Variants in MTRF1 observed in about 807,000 individuals in gnomAD.
MTRF1 encodes peptide chain release factor 1, mitochondrial.
In MTRF1, 51 loss-of-function variants were observed where a neutral mutation model predicts 62.9. That is an observed-to-expected ratio of 0.81 (90% CI 0.65 to 1.02). MTRF1 has a LOEUF of 1.02. Among genes scored for constraint, MTRF1 ranks in the 50% least tolerant of loss-of-function variants. MTRF1 has a pLI of 0.00. For synonymous variants in MTRF1, 158 were observed against 181.9 expected, an observed-to-expected ratio of 0.87 and a Z score of 1.06; for missense variants, 446 against 530.0, an observed-to-expected ratio of 0.84 and a Z score of 1.56.
chr13:41,217,109 T>C lies in MTRF1; in HGVS notation c.*6A>G, dbSNP rs2032031116. 1 of 1,499,836 alleles carries C rather than the reference T, an allele frequency of 6.7e-7. No homozygotes were observed. The highest frequency in any genetic ancestry group is 9.2e-7 in the Non-Finnish European group (1 of 1,085,358). The allele number at this position is 1,499,836 out of a possible 1,614,324, so 92.9% of individuals were successfully genotyped here. A position where few individuals can be genotyped will look rare whatever the true frequency, so the allele number is the denominator to read the frequency against. ...TATATAATCATAAATAATAATAAGT[T>C]AGTATTTATTTTGCTGATTTAAGGT... is the stretch of plus-strand genomic sequence containing the variant. On this transcript the variant is annotated 3_prime_UTR_variant, in exon 10 of 10. Coordinates refer to ENST00000379480, the MANE Select transcript of MTRF1 (RefSeq NM_004294.4).
Position 41,216,455 on chromosome 13 carries a change from T to C in MTRF1, c.*660A>G, listed in dbSNP as rs1020455847. 1 of 152,142 alleles carries C rather than the reference T, an allele frequency of 6.6e-6. No homozygotes were observed. Among genetic ancestry groups the C allele is most frequent in the Non-Finnish European group, 1.5e-5 (1 of 68,026 alleles). 9.4% of individuals were successfully genotyped at this position (152,142 alleles called of 1,614,324 possible). ...TTTACTGTCTGTACCCAGATGCTCATTGTTATTGAATGACTCATATTCTTC... is the reference window on the plus strand; with the variant it reads ...TTTACTGTCTGTACCCAGATGCTCACTGTTATTGAATGACTCATATTCTTC... On this transcript the variant is annotated 3_prime_UTR_variant, in exon 10 of 10. Transcript: ENST00000379480.
In MTRF1 at chr13:41,233,898, A is replaced by G; in HGVS notation, c.980T>C (p.Ile327Thr). Residue 327 changes from isoleucine (I) to threonine (T), a missense_variant, in exon 7 of 10, where the codon ATC (isoleucine) becomes ACC (threonine). By Grantham distance (89) the Ile-to-Thr change is moderately conservative (BLOSUM62 -1). Coordinates refer to ENST00000379480, the MANE Select transcript of MTRF1 (RefSeq NM_004294.4). ...CCAAGGGGCTTGCTTACCTGTGGGGATGTGGACAAGTCTGACGGCACTATC... is the reference window on the plus strand; with the variant it reads ...CCAAGGGGCTTGCTTACCTGTGGGGGTGTGGACAAGTCTGACGGCACTATC... Reference protein sequence around the residue: ...KTDSAVRLVHIPTGLVVECQQ... With the variant: ...KTDSAVRLVHTPTGLVVECQQ... 1 of 1,612,038 alleles carries G rather than the reference A, an allele frequency of 6.2e-7. No homozygotes were observed. Among genetic ancestry groups the G allele is most frequent in the Non-Finnish European group, 8.5e-7 (1 of 1,178,070 alleles).
chr13:41,308,781 T>C, the MTRF1 span, among the ~76,000 whole-genome samples: 1 of 152,198 alleles, frequency 6.6e-6, no homozygotes, highest in African/African-American at 2.4e-5. Flanking sequence ...ACAGGTAAAT[T>C]GCATGTTGTG....
upstream of MTRF1, among the ~76,000 whole-genome samples, chr13:41,264,850 C>G (rs115371223): frequency 6.6e-6 from 1 of 151,990 alleles, no homozygotes; most frequent in South Asian, 2.1e-4. Context: ...ATAGGGCCAC[C>G]CTGCTCCAAA....
chr13:41,275,733 T>A, the MTRF1 span, among the ~76,000 whole-genome samples: 1 of 152,058 alleles, frequency 6.6e-6, no homozygotes, highest in African/African-American at 2.4e-5. Context: ...CCTCAGGTGA[T>A]CTGCTAACCT....
the MTRF1 span, among the ~76,000 whole-genome samples, chr13:41,293,405 A>C: frequency 2.0e-5 from 3 of 152,324 alleles, no homozygotes; most frequent in East Asian, 5.8e-4. Context: ...GTCAGCATAC[A>C]CTTTGCCTGG....
chr13:41,238,499 T>C (rs1314463784), intron 6 of MTRF1, among the ~76,000 whole-genome samples: 3 of 152,040 alleles, frequency 2.0e-5, no homozygotes, highest in Non-Finnish European at 2.9e-5. Context: ...GAGAAGGTAG[T>C]AGGGAGGAAA....
At chr13:41,293,897 CA>C in the MTRF1 span, among the ~76,000 whole-genome samples, 1 of 151,748 alleles carries the variant, frequency 6.6e-6, no homozygotes, top group Admixed American at 6.6e-5. Context: ...CTAAAAATTA[CA>C]AAATGATTCT....
the MTRF1 span, among the ~76,000 whole-genome samples, chr13:41,308,870 C>T: frequency 6.6e-5 from 10 of 152,236 alleles, no homozygotes; most frequent in Non-Finnish European, 1.2e-4. Flanking sequence ...TCTTCACCCT[C>T]CTCCTACTCT....
At chr13:41,261,850 TA>T in intron 1 of MTRF1, 2 of 933,316 alleles carry the variant, frequency 2.1e-6, no homozygotes, top group Non-Finnish European at 2.6e-6. Flanking sequence ...GTTCAAGTAT[TA>T]ATAGACCAAG....
At chr13:41,243,016 C>T (rs187216663) in intron 5 of MTRF1, among the ~76,000 whole-genome samples, 2 of 152,088 alleles carry the variant, frequency 1.3e-5, no homozygotes, top group Admixed American at 6.5e-5. Context: ...GTCAGGAGTT[C>T]GAGACCAGCC....
At chr13:41,293,617 T>C in the MTRF1 span, among the ~76,000 whole-genome samples, 1 of 152,200 alleles carries the variant, frequency 6.6e-6, no homozygotes, top group African/African-American at 2.4e-5. Context: ...AAGGCTCTTA[T>C]TTAAGTGAAC....
At chr13:41,277,101 T>C in the MTRF1 span, among the ~76,000 whole-genome samples, 1 of 152,038 alleles carries the variant, frequency 6.6e-6, no homozygotes, top group East Asian at 1.9e-4. Context: ...GTCTCTCAGG[T>C]GTTGTGGCTG....
chr13:41,274,883 G>T, the MTRF1 span, among the ~76,000 whole-genome samples: 1 of 151,922 alleles, frequency 6.6e-6, no homozygotes, highest in East Asian at 1.9e-4. Context: ...AAAGTGCTGG[G>T]ATTACAGACA....
intron 1 of MTRF1, among the ~76,000 whole-genome samples, 159 bp from the exon 2 acceptor site, chr13:41,261,074 C>T (rs1215742320): frequency 6.6e-6 from 1 of 152,258 alleles, no homozygotes; most frequent in Non-Finnish European, 1.5e-5. Context: ...TGGCTCACGC[C>T]AGTAATCCCA....
the MTRF1 span, among the ~76,000 whole-genome samples, chr13:41,284,543 C>CA: frequency 3.5e-3 from 247 of 70,254 alleles, 1 homozygote; most frequent in Middle Eastern, 0.019. Flanking sequence ...GACCGTGTCT[C>CA]AAAAAAAAAA....
the MTRF1 span, among the ~76,000 whole-genome samples, chr13:41,276,370 C>T: frequency 2.0e-5 from 3 of 151,926 alleles, no homozygotes; most frequent in Non-Finnish European, 4.4e-5. Context: ...TGAGGGTTCA[C>T]CATGTTGGCC....
intron 5 of MTRF1, among the ~76,000 whole-genome samples, chr13:41,247,197 C>A (rs2038382068): frequency 6.6e-6 from 1 of 152,178 alleles, no homozygotes; most frequent in Non-Finnish European, 1.5e-5. Flanking sequence ...TGGAACTATG[C>A]CATTGGCTTT....
intron 2 of MTRF1, chr13:41,257,740 G>A (rs755556194): frequency 9.0e-6 from 4 of 443,650 alleles, no homozygotes; most frequent in South Asian, 6.4e-5. Flanking sequence ...CAAGGTTAAA[G>A]TGAGCTATGA....
Sources: allele counts gnomAD v4.1 joint callset (sites outside exome capture counted in the v4.1 genomes callset), GRCh38; gene constraint gnomAD v4.1.1; transcripts MANE v1.5; gene names NCBI Gene and HGNC (gene_info 2026-07-23, HGNC 2026-07-21).